TNRC6A: variants seen among roughly 807,000 people sequenced by gnomAD.
TNRC6A encodes the protein trinucleotide repeat-containing gene 6A protein.
In TNRC6A, 44 loss-of-function variants were observed where a neutral mutation model predicts 221.2. The observed-to-expected ratio is 0.20, with a 90% CI of 0.16 to 0.26. The LOEUF is 0.26. TNRC6A is among the 10% of genes least tolerant of loss of function. TNRC6A has a pLI of 1.00. For missense variants in TNRC6A, 2,199 were observed against 2,404.4 expected, an observed-to-expected ratio of 0.91 and a Z score of 1.79; for synonymous variants, 847 against 838.5, an observed-to-expected ratio of 1.01 and a Z score of -0.18.
chr16:24,750,296 A>G (rs2057107287), intron 2 of TNRC6A, among the ~76,000 whole-genome samples: 1 of 152,228 alleles, frequency 6.6e-6, no homozygotes, highest in South Asian at 2.1e-4. Context: ...GAGCAAGGAA[A>G]ACTAAAGGTA....
intron 1 of TNRC6A, among the ~76,000 whole-genome samples, chr16:24,616,551 A>G (rs1023754641): frequency 1.3e-5 from 2 of 152,108 alleles, no homozygotes; most frequent in Non-Finnish European, 2.9e-5. Context: ...TATACTCTAT[A>G]TGTTTTTATT....
chr16:24,745,317 C>T (rs1284181863), intron 2 of TNRC6A, among the ~76,000 whole-genome samples: 6 of 152,036 alleles, frequency 3.9e-5, no homozygotes, highest in Non-Finnish European at 7.3e-5. Context: ...TAGTGACTTC[C>T]TGTTGTGTAG....
rs761727539 is a variant in TNRC6A at position 24,823,767 on chromosome 16, T to C, written c.5849T>C (p.Leu1950Pro). ...AGCCCATCTCCCATTAACGCTTTTC[T>C]TTCTGTTGACCACCTGGGTGGGGGT... ...ISSPSPINAF[L>P]SVDHLGGGGE... The change falls in exon 25 of 25, where the codon CTT (leucine) becomes CCT (proline). Residue 1950 changes from leucine (L) to proline (P), a missense_variant. Transcript: ENST00000395799. The surrounding 1 kb of genome is among the most constrained non-coding windows in gnomAD (Gnocchi z 4.3). The C allele has an allele frequency of 3.4e-6, 5 of 1,485,598 alleles. No homozygotes were observed. The highest frequency in any genetic ancestry group is 4.5e-6 in the Non-Finnish European group (5 of 1,117,710). 92.0% of individuals were successfully genotyped at this position (1,485,598 alleles called of 1,614,324 possible).
intron 2 of TNRC6A, among the ~76,000 whole-genome samples, chr16:24,722,922 G>A (rs558283357): frequency 1.3e-5 from 2 of 152,234 alleles, no homozygotes; most frequent in South Asian, 4.1e-4. Context: ...GGAAGAGTCA[G>A]AACTAACACT....
chr16:24,669,941 C>CTTTT (rs535737725), intron 2 of TNRC6A, among the ~76,000 whole-genome samples: 418 of 27,180 alleles, frequency 0.015, 139 homozygotes, highest in Non-Finnish European at 0.021. Context: ...GAGGCAGCTA[C>CTTTT]TTTTTTTTTT....
At chr16:24,765,004 C>T (rs978363955) in intron 4 of TNRC6A, among the ~76,000 whole-genome samples, 1 of 152,136 alleles carries the variant, frequency 6.6e-6, no homozygotes, top group Non-Finnish European at 1.5e-5. Context: ...CTTTATTGTA[C>T]TGTTCTCGCC....
At position 24,824,005 on chromosome 16, in the gene TNRC6A, C is replaced by T. The variant is rs1031494838; in HGVS notation, c.*198C>T. On this transcript the variant is annotated 3_prime_UTR_variant, in exon 25 of 25. Transcript: ENST00000395799. ...ATATTATAATGTGAAAAGGTATCTA[C>T]TCTATTTACACTCCCAAATAGCGCC... 15 of 430,074 alleles carry T rather than the reference C, an allele frequency of 3.5e-5. No individual in the cohort carries two copies. The highest frequency in any genetic ancestry group is 5.4e-5 in the Non-Finnish European group (14 of 257,450). The allele number at this position is 430,074 out of a possible 1,614,324, so 26.6% of individuals were successfully genotyped here. A position where few individuals can be genotyped will look rare whatever the true frequency, so the allele number is the denominator to read the frequency against.
chr16:24,623,371 T>G (rs2141614663), intron 1 of TNRC6A, among the ~76,000 whole-genome samples: 1 of 152,186 alleles, frequency 6.6e-6, no homozygotes, highest in South Asian at 2.1e-4. Context: ...GAGAATTTTT[T>G]GTATTTTTAG....
At chr16:24,649,261 G>A (rs1902486601) in intron 2 of TNRC6A, among the ~76,000 whole-genome samples, 1 of 152,100 alleles carries the variant, frequency 6.6e-6, no homozygotes, top group Non-Finnish European at 1.5e-5. Flanking sequence ...ACATATGCAT[G>A]TTACCTCACA....
chr16:24,802,846 T>G (rs2058356285), intron 11 of TNRC6A, among the ~76,000 whole-genome samples: 4 of 151,900 alleles, frequency 2.6e-5, no homozygotes. Context: ...GGACAGATGG[T>G]GAGGAGGGGT....
chr16:24,758,250 T>C, intron 3 of TNRC6A, 89 bp from the exon 4 acceptor site: 1 of 1,159,202 alleles, frequency 8.6e-7, no homozygotes, highest in Non-Finnish European at 1.2e-6. Context: ...GTATATGTCT[T>C]ATATTAATAT....
intron 15 of TNRC6A, among the ~76,000 whole-genome samples, chr16:24,806,000 G>C (rs1002425895): frequency 2.6e-5 from 4 of 152,168 alleles, no homozygotes; most frequent in Non-Finnish European, 5.9e-5. Flanking sequence ...CTGTTGAAGT[G>C]AAAGTTTAGA....
At chr16:24,795,105 C>G (rs2058191628) in intron 8 of TNRC6A, among the ~76,000 whole-genome samples, 1 of 152,146 alleles carries the variant, frequency 6.6e-6, no homozygotes, top group Non-Finnish European at 1.5e-5. Flanking sequence ...ACCCGCTTAC[C>G]CAGAGTCACC....
At chr16:24,743,139 T>G (rs1431492960) in intron 2 of TNRC6A, among the ~76,000 whole-genome samples, 2 of 152,138 alleles carry the variant, frequency 1.3e-5, no homozygotes, top group Non-Finnish European at 2.9e-5. Context: ...TTTCTGATCC[T>G]CAATCTCTTT....
intron 2 of TNRC6A, among the ~76,000 whole-genome samples, chr16:24,708,853 T>C (rs1052291725): frequency 1.3e-5 from 2 of 152,202 alleles, no homozygotes; most frequent in Admixed American, 1.3e-4. Flanking sequence ...GGCTCAGTAG[T>C]ATTCCATGAT....
Position 24,823,597 on chromosome 16 carries a change from C to G in TNRC6A, c.5679C>G (p.Ser1893Arg). ...GSLDCSHSFS[S>R]RTDLNHWNGA... ...TCGACTGTTCCCACTCATTCTCCAG[C>G]CGGACCGATCTCAATCACTGGAATG... The change falls in exon 25 of 25, where the codon AGC becomes AGG. Residue 1893 changes from serine (S) to arginine (R), a missense_variant. Coordinates refer to ENST00000395799, the MANE Select transcript of TNRC6A (RefSeq NM_014494.4). The surrounding 1 kb of genome is among the most constrained non-coding windows in gnomAD (Gnocchi z 4.3). 1.2e-6 allele frequency: 2 copies of G among 1,614,178 alleles called. No homozygotes were observed. Among genetic ancestry groups the G allele is most frequent in the Non-Finnish European group, 1.7e-6 (2 of 1,180,026 alleles).
At chr16:24,760,687 G>T (rs551748068) in intron 4 of TNRC6A, among the ~76,000 whole-genome samples, 11 of 152,156 alleles carry the variant, frequency 7.2e-5, no homozygotes, top group Non-Finnish European at 1.3e-4. Context: ...CTGGAGACTT[G>T]AGGGGCAGAT....
In TNRC6A at chr16:24,820,038, TG is replaced by T. The variant is rs1247401339; in HGVS notation, c.5081-100del. On this transcript the variant is annotated intron_variant, in intron 21 of 24. Coordinates refer to ENST00000395799, the MANE Select transcript of TNRC6A (RefSeq NM_014494.4). Reference sequence around the variant, plus strand: ...TTGGGGTTTTAAAGTTTCTTTTGTTTGTTAGATTTGCTTTTTGTGGGAGAAT... The same window carrying T: ...TTGGGGTTTTAAAGTTTCTTTTGTTTTTAGATTTGCTTTTTGTGGGAGAAT... 4.5e-6 allele frequency: 5 copies of T among 1,121,524 alleles called. No individual in the cohort carries two copies. In the Admixed American group the frequency reaches 9.9e-5, roughly 22 times the overall value. 69.5% of individuals were successfully genotyped at this position (1,121,524 alleles called of 1,614,324 possible). A position where few individuals can be genotyped will look rare whatever the true frequency, so the allele number is the denominator to read the frequency against.
At chr16:24,792,805 T>G (rs1440149186) in intron 6 of TNRC6A, among the ~76,000 whole-genome samples, 1 of 134,154 alleles carries the variant, frequency 7.5e-6, no homozygotes, top group Non-Finnish European at 1.6e-5. Flanking sequence ...TTTTTTTTTT[T>G]GGAGATGGAG....
Sources: gnomAD v4.1 joint callset for allele counts (sites outside exome capture counted in the v4.1 genomes callset) on GRCh38, gnomAD v4.1.1 for gene constraint, Gnocchi (gnomAD v3.1) non-coding constraint, MANE v1.5 for transcripts, NCBI Gene and HGNC (gene_info 2026-07-23, HGNC 2026-07-21) for gene names.